The following KIAA0232 variants were observed in gnomAD, a reference collection of about 807,000 sequenced individuals.
KIAA0232 encodes the protein uncharacterized protein KIAA0232.
In KIAA0232, 27 loss-of-function variants were observed where a neutral mutation model predicts 122.0. The ratio of observed to expected loss-of-function variants is 0.22; its 90% CI spans 0.16 to 0.31. The LOEUF (loss-of-function observed/expected upper bound fraction) is 0.31, where lower values mean the gene tolerates loss of function less well. Among genes scored for constraint, KIAA0232 ranks in the 10% least tolerant of loss-of-function variants. KIAA0232 has a pLI of 1.00. For synonymous variants in KIAA0232, 613 were observed against 587.6 expected, an observed-to-expected ratio of 1.04 and a Z score of -0.63; for missense variants, 1,551 against 1,634.2, an observed-to-expected ratio of 0.95 and a Z score of 0.88.
At chr4:6,837,120 C>T (rs983304914) in intron 3 of KIAA0232, among the ~76,000 whole-genome samples, 2 of 151,162 alleles carry the variant, frequency 1.3e-5, no homozygotes, top group Non-Finnish European at 3.0e-5. Flanking sequence ...GACGGGGCAG[C>T]GGCCGGGCGG....
chr4:6,797,274 A>G (rs879836711), intron 1 of KIAA0232, among the ~76,000 whole-genome samples: 6 of 152,200 alleles, frequency 3.9e-5, no homozygotes, highest in Admixed American at 1.3e-4. Flanking sequence ...AAGATCAGGT[A>G]GCACCCTGCA....
At chr4:6,871,744 T>G (rs752963895) in intron 8 of KIAA0232, 62 bp downstream of exon 8, 29 of 1,046,944 alleles carry the variant, frequency 2.8e-5, no homozygotes, top group Non-Finnish European at 4.1e-5. Flanking sequence ...AGAGCAATAA[T>G]TTCTTTTTCT....
intron 3 of KIAA0232, among the ~76,000 whole-genome samples, chr4:6,841,637 C>T (rs777247488): frequency 5.9e-5 from 9 of 152,040 alleles, no homozygotes; most frequent in Non-Finnish European, 1.3e-4. Flanking sequence ...ACTCTAGTCA[C>T]ATATGACATG....
At position 6,804,576 on chromosome 4, in the gene KIAA0232, C is replaced by A. The variant is rs1717529845; in HGVS notation, c.-300C>A. ...GGTGGACTCTGCCCCTGTAACCGTT[C>A]CGGAGAATGCGTTGAGAATGAAGAC... is the stretch of plus-strand genomic sequence containing the variant. On this transcript the variant is annotated 5_prime_UTR_variant, in exon 2 of 10. Transcript: ENST00000307659. 1 of 152,062 alleles carries A rather than the reference C, an allele frequency of 6.6e-6. No individual in the cohort carries two copies. Among genetic ancestry groups the A allele is most frequent in the Admixed American group, 6.6e-5 (1 of 15,262 alleles). The allele number at this position is 152,062 out of a possible 1,614,324, so 9.4% of individuals were successfully genotyped here.
In KIAA0232 at chr4:6,883,319, TTTTG is replaced by T. The variant is rs1256808780; in HGVS notation, c.*2361_*2364del. The T allele has an allele frequency of 6.5e-6, 1 of 152,680 alleles. No homozygotes were observed. Among genetic ancestry groups the T allele is most frequent in the Non-Finnish European group, 1.5e-5 (1 of 68,038 alleles). 9.5% of individuals were successfully genotyped at this position (152,680 alleles called of 1,614,324 possible). On this transcript the variant is annotated 3_prime_UTR_variant, in exon 10 of 10. Coordinates refer to ENST00000307659, the MANE Select transcript of KIAA0232 (RefSeq NM_014743.3). ...ACGTACACCAGAGTAACTGATTTTTTTTTGTTTGTTTTCTTGTGGAGTTAACACC... is the reference window on the plus strand; with the variant it reads ...ACGTACACCAGAGTAACTGATTTTTTTTTGTTTTCTTGTGGAGTTAACACC...
At chr4:6,838,827 C>T (rs1719490005) in intron 3 of KIAA0232, among the ~76,000 whole-genome samples, 1 of 145,854 alleles carries the variant, frequency 6.9e-6, no homozygotes, top group East Asian at 2.1e-4. Flanking sequence ...TGAATTGATA[C>T]GTTTAAAATA....
chr4:6,868,811 G>T (rs1377938688), intron 7 of KIAA0232, among the ~76,000 whole-genome samples: 1 of 152,142 alleles, frequency 6.6e-6, no homozygotes, highest in Non-Finnish European at 1.5e-5. Flanking sequence ...CATATTCCTT[G>T]AATATGTTTA....
intron 7 of KIAA0232, among the ~76,000 whole-genome samples, 181 bp from the exon 8 acceptor site, chr4:6,871,393 C>T (rs1721475594): frequency 6.6e-6 from 1 of 152,130 alleles, no homozygotes; most frequent in African/African-American, 2.4e-5. Context: ...AAGATCGTGC[C>T]ACTACACTCC....
intron 3 of KIAA0232, among the ~76,000 whole-genome samples, chr4:6,825,978 C>T (rs1406089034): frequency 6.6e-6 from 1 of 152,176 alleles, no homozygotes; most frequent in Non-Finnish European, 1.5e-5. Flanking sequence ...GAGACAGGGT[C>T]TTGCTCTGTC....
At chr4:6,841,929 C>T (rs1279701689) in intron 3 of KIAA0232, 138 bp from the exon 4 acceptor site, 8 of 952,692 alleles carry the variant, frequency 8.4e-6, no homozygotes, top group South Asian at 4.9e-5. Context: ...CTCCCTTCGT[C>T]GCAGAAATAG....
intron 2 of KIAA0232, 60 bp from the exon 3 acceptor site, chr4:6,824,125 A>G (rs990135439): frequency 1.7e-5 from 7 of 418,822 alleles, no homozygotes; most frequent in Admixed American, 3.9e-5. Flanking sequence ...TTTCCTCAAA[A>G]GGTCAATAAT....
At chr4:6,880,471 G>C (rs1722014989) in intron 9 of KIAA0232, among the ~76,000 whole-genome samples, 2 of 151,876 alleles carry the variant, frequency 1.3e-5, no homozygotes, top group Admixed American at 6.6e-5. Context: ...TCCACTGCTG[G>C]AGTCCCTGTG....
chr4:6,848,054 A>G (rs1231396739), intron 4 of KIAA0232, among the ~76,000 whole-genome samples: 4 of 152,148 alleles, frequency 2.6e-5, no homozygotes, highest in African/African-American at 9.7e-5. Context: ...GTTAGTTTTG[A>G]AGGTAACAGC....
At chr4:6,807,032 G>GTCTGTCTGTCTGTCTATCTATCTA (rs750617409) in intron 2 of KIAA0232, among the ~76,000 whole-genome samples, 2 of 145,748 alleles carry the variant, frequency 1.4e-5, no homozygotes, top group African/African-American at 5.2e-5. Flanking sequence ...CTGTCTGTCT[G>GTCTGTCTGTCTGTCTATCTATCTA]TCTATCTATC....
chr4:6,852,015 T>C (rs1000116826), intron 4 of KIAA0232, among the ~76,000 whole-genome samples: 2 of 152,208 alleles, frequency 1.3e-5, no homozygotes, highest in Non-Finnish European at 2.9e-5. Context: ...TTTGATATCC[T>C]CTATTTTTTG....
rs915293608 is a variant in KIAA0232 at position 6,804,617 on chromosome 4, A to C, written c.-270+11A>C. ...GAATGAAGACAACCAGTAAGTCCCT[A>C]AGTGTATGTGGGAAATGGGAAAATG... is the stretch of plus-strand genomic sequence containing the variant. On this transcript the variant is annotated intron_variant, in intron 2 of 9. Coordinates refer to ENST00000307659, the MANE Select transcript of KIAA0232 (RefSeq NM_014743.3). 1 of 152,194 alleles carries C rather than the reference A, an allele frequency of 6.6e-6. No homozygotes were observed. Among genetic ancestry groups the C allele is most frequent in the African/African-American group, 2.4e-5 (1 of 41,434 alleles). The allele number at this position is 152,194 out of a possible 1,614,324, so 9.4% of individuals were successfully genotyped here.
At position 6,837,946 on chromosome 4, in the gene KIAA0232, G is replaced by A. The variant is rs528187779; in HGVS notation, c.232-4121G>A. Among the ~76,000 whole-genome samples, 6 of 152,076 alleles carry A rather than the reference G, an allele frequency of 3.9e-5. No homozygotes were observed. The South Asian group carries it at 1.2e-3, about 32-fold the overall frequency. On this transcript the variant is annotated intron_variant, in intron 3 of 9. Transcript: ENST00000307659. ...GGGGGAGGGAGAGGGAGAGGGAGAGGCAGAGGCGGTTGTTTGTTTTTTTCT... is the reference window on the plus strand; with the variant it reads ...GGGGGAGGGAGAGGGAGAGGGAGAGACAGAGGCGGTTGTTTGTTTTTTTCT...
chr4:6,849,767 C>CAA (rs60938979), intron 4 of KIAA0232, among the ~76,000 whole-genome samples: 3 of 115,844 alleles, frequency 2.6e-5, no homozygotes, highest in Non-Finnish European at 3.7e-5. Context: ...ACTCGGTCTC[C>CAA]AAAAAAAAAA....
rs745464082 is a variant in KIAA0232 at position 6,863,047 on chromosome 4, C to A, written c.2665C>A (p.Gln889Lys). Residue 889 changes from glutamine to lysine, a missense_variant, in exon 7 of 10, where the codon CAG (glutamine) becomes AAG (lysine). Transcript: ENST00000307659. ...RRSEYHLWEG[Q>K]KESLEKRAFA... ...GTCAGAGTACCATCTGTGGGAGGGACAGAAAGAGAGCCTGGAGAAAAGAGC... is the reference window on the plus strand; with the variant it reads ...GTCAGAGTACCATCTGTGGGAGGGAAAGAAAGAGAGCCTGGAGAAAAGAGC... 1.2e-6 allele frequency: 2 copies of A among 1,614,166 alleles called. No individual in the cohort carries two copies. Among genetic ancestry groups the A allele is most frequent in the Non-Finnish European group, 1.7e-6 (2 of 1,180,018 alleles).
Sources: gnomAD v4.1 joint callset for allele counts (sites outside exome capture counted in the v4.1 genomes callset) on GRCh38, gnomAD v4.1.1 for gene constraint, MANE v1.5 for transcripts, NCBI Gene and HGNC (gene_info 2026-07-23, HGNC 2026-07-21) for gene names.